HHAT: variants seen among roughly 807,000 people sequenced by gnomAD.
The protein encoded by HHAT is protein-cysteine N-palmitoyltransferase HHAT.
Under a neutral mutation model 70.8 loss-of-function variants are expected in HHAT, and 47 were observed. The observed-to-expected ratio is 0.66, with a 90% CI of 0.53 to 0.85. HHAT has a LOEUF of 0.85. Among genes scored for constraint, HHAT ranks in the 40% least tolerant of loss-of-function variants. HHAT has a pLI of 0.00. For synonymous variants in HHAT, 228 were observed against 247.6 expected (o/e 0.92, Z 0.74); for missense variants, 609 against 604.8 (o/e 1.01, Z -0.07).
intron 9 of HHAT, among the ~76,000 whole-genome samples, chr1:210,551,484 C>G (rs2095527441): frequency 7.6e-6 from 1 of 131,744 alleles, no homozygotes; most frequent in African/African-American, 3.0e-5. Flanking sequence ...CCTAGGACAG[C>G]CTGCTGGGCT....
At chr1:210,651,050 A>C (rs554888758) in intron 11 of HHAT, among the ~76,000 whole-genome samples, 39 of 152,358 alleles carry the variant, frequency 2.6e-4, no homozygotes, top group Admixed American at 1.2e-3. Context: ...GAACCAGCTC[A>C]GAATGGAGCC....
At chr1:210,395,095 C>T (rs988039843) in intron 4 of HHAT, among the ~76,000 whole-genome samples, 1 of 152,076 alleles carries the variant, frequency 6.6e-6, no homozygotes, top group African/African-American at 2.4e-5. Context: ...GATTGATTCC[C>T]TTTATTATTT....
intron 9 of HHAT, among the ~76,000 whole-genome samples, chr1:210,569,144 C>T (rs1422706094): frequency 6.6e-6 from 1 of 151,908 alleles, no homozygotes; most frequent in East Asian, 1.9e-4. Flanking sequence ...GAGGCCGAAG[C>T]GGGCAGATCA....
chr1:210,513,198 T>G lies in HHAT; in HGVS notation c.1043+10T>G, dbSNP rs760308510. 1 of 1,403,512 alleles carries G rather than the reference T, an allele frequency of 7.1e-7. No homozygotes were observed. Among genetic ancestry groups the G allele is most frequent in the Non-Finnish European group, 1.0e-6 (1 of 996,808 alleles). The allele number at this position is 1,403,512 out of a possible 1,614,324, so 86.9% of individuals were successfully genotyped here. On this transcript the variant is annotated intron_variant, in intron 9 of 11. Coordinates refer to ENST00000261458, the MANE Select transcript of HHAT (RefSeq NM_018194.6). ...ATAATTTCTTAATCAGGTAAGCCAA[T>G]AATTTTTATTTTAGATAACATTGAA...
At chr1:210,424,281 T>A (rs2092992374) in intron 7 of HHAT, among the ~76,000 whole-genome samples, 2 of 152,184 alleles carry the variant, frequency 1.3e-5, no homozygotes, top group Non-Finnish European at 2.9e-5. Context: ...TCACATTTTT[T>A]TAGCTATTAG....
At chr1:210,378,292 G>A (rs2090380840) in intron 3 of HHAT, among the ~76,000 whole-genome samples, 1 of 152,144 alleles carries the variant, frequency 6.6e-6, no homozygotes, top group South Asian at 2.1e-4. Flanking sequence ...TCTTGGATAA[G>A]TCTTACTCAG....
At chr1:210,359,033 A>AT (rs1426805684) in intron 2 of HHAT, among the ~76,000 whole-genome samples, 1 of 152,198 alleles carries the variant, frequency 6.6e-6, no homozygotes, top group Non-Finnish European at 1.5e-5. Flanking sequence ...AAATTGCTTC[A>AT]TTTCTATGCT....
At chr1:210,388,396 G>A (rs2091232926) in intron 4 of HHAT, among the ~76,000 whole-genome samples, 1 of 152,178 alleles carries the variant, frequency 6.6e-6, no homozygotes, top group Admixed American at 6.5e-5. Context: ...CAGAAAGTGA[G>A]ATGCAGAAAT....
At chr1:210,588,189 C>A (rs1410316542) in intron 10 of HHAT, 90 bp downstream of exon 10, 3 of 1,073,198 alleles carry the variant, frequency 2.8e-6, no homozygotes, top group Non-Finnish European at 4.0e-6. Context: ...TCCCTGCCCC[C>A]ACTATGGGCC....
chr1:210,671,668 C>T (rs1272583457), intron 11 of HHAT, among the ~76,000 whole-genome samples: 2 of 152,198 alleles, frequency 1.3e-5, no homozygotes, highest in African/African-American at 4.8e-5. Context: ...CTAGGAGCCA[C>T]CAGAAGCTGG....
chr1:210,644,562 C>A (rs568384579), intron 11 of HHAT, among the ~76,000 whole-genome samples: 1 of 133,348 alleles, frequency 7.5e-6, no homozygotes, highest in Non-Finnish European at 1.5e-5. Context: ...GAGATCATGC[C>A]ACTGCACTCC....
chr1:210,595,709 A>G (rs1373224168), intron 10 of HHAT, among the ~76,000 whole-genome samples: 3 of 152,134 alleles, frequency 2.0e-5, no homozygotes, highest in African/African-American at 7.2e-5. Flanking sequence ...CGTTTCTCTG[A>G]TGGCCAGTGA....
At chr1:210,441,726 G>A (rs962336062) in intron 7 of HHAT, among the ~76,000 whole-genome samples, 5 of 151,986 alleles carry the variant, frequency 3.3e-5, no homozygotes, top group African/African-American at 1.2e-4. Flanking sequence ...TCTCCAATTT[G>A]TAATTAAGAG....
intron 3 of HHAT, among the ~76,000 whole-genome samples, chr1:210,376,014 ATTTTT>A (rs57707354): frequency 1.1e-3 from 122 of 108,886 alleles, no homozygotes; most frequent in African/African-American, 4.3e-3. Flanking sequence ...TGCACAGCTA[ATTTTT>A]TTTTTTTTTT....
At chr1:210,658,318 C>T (rs796111772) in intron 11 of HHAT, among the ~76,000 whole-genome samples, 7 of 152,196 alleles carry the variant, frequency 4.6e-5, no homozygotes, top group African/African-American at 1.4e-4. Context: ...TGAGGGTGCT[C>T]AGACCTCTTG....
chr1:210,329,198 C>G, intron 1 of HHAT, 94 bp downstream of exon 1: 1 of 1,224,808 alleles, frequency 8.2e-7, no homozygotes, highest in South Asian at 3.8e-5. Flanking sequence ...GCACAAAACG[C>G]TTTCCGTTTC....
chr1:210,623,292 T>C (rs562974490), intron 10 of HHAT, among the ~76,000 whole-genome samples: 27 of 152,300 alleles, frequency 1.8e-4, no homozygotes, highest in African/African-American at 6.0e-4. Context: ...TAGGCTGGTC[T>C]TGAACTCCTG....
intron 10 of HHAT, among the ~76,000 whole-genome samples, chr1:210,617,971 C>A (rs193263818): frequency 6.6e-6 from 1 of 152,148 alleles, no homozygotes. Context: ...GGGCAAAGAG[C>A]GAGATGGGTG....
intron 7 of HHAT, among the ~76,000 whole-genome samples, chr1:210,445,575 C>A (rs965891435): frequency 3.9e-5 from 6 of 152,108 alleles, no homozygotes; most frequent in African/African-American, 1.2e-4. Flanking sequence ...ATTTACATAA[C>A]CCTTTTAAAA....
Sources: gnomAD v4.1 joint callset for allele counts (sites outside exome capture counted in the v4.1 genomes callset) on GRCh38, gnomAD v4.1.1 for gene constraint, MANE v1.5 for transcripts, NCBI Gene and HGNC (gene_info 2026-07-23, HGNC 2026-07-21) for gene names.